The following MGAT4C variants were observed in gnomAD, a reference collection of about 807,000 sequenced individuals.
MGAT4C encodes MGAT4 family member C, also known as alpha-1,3-mannosyl-glycoprotein 4-beta-N-acetylglucosaminyltransferase C.
In MGAT4C, 19 loss-of-function variants were observed where a neutral mutation model predicts 40.1. The ratio of observed to expected loss-of-function variants is 0.47; its 90% confidence interval spans 0.33 to 0.70. The LOEUF is 0.70. MGAT4C is among the 30% of genes least tolerant of loss of function. The pLI, the probability that MGAT4C is intolerant of heterozygous loss-of-function variation, is 0.02. For missense variants in MGAT4C, 491 were observed against 563.2 expected, an observed-to-expected ratio of 0.87 and a Z score of 1.30; for synonymous variants, 181 against 187.1, an observed-to-expected ratio of 0.97 and a Z score of 0.27.
chr12:86,713,845 G>A (rs1175922199), intron 2 of MGAT4C, among the ~76,000 whole-genome samples: 15 of 151,450 alleles, frequency 9.9e-5, no homozygotes, highest in East Asian at 7.7e-4. Flanking sequence ...CAGCACCTAC[G>A]GACTTATGTA....
At chr12:86,810,255 A>G (rs1952446897) in intron 1 of MGAT4C, among the ~76,000 whole-genome samples, 1 of 151,836 alleles carries the variant, frequency 6.6e-6, no homozygotes, top group Admixed American at 6.6e-5. Flanking sequence ...GTGATTTCTT[A>G]TGTTATAAGA....
At chr12:86,168,973 A>C (rs533772799) in intron 1 of MGAT4C, among the ~76,000 whole-genome samples, 233 of 152,102 alleles carry the variant, frequency 1.5e-3, no homozygotes, top group Non-Finnish European at 2.9e-3. Context: ...CGCTTTGTGT[A>C]CTTTTTAAAA....
In MGAT4C at chr12:86,304,997, T is replaced by C. The variant is rs1040514043; in HGVS notation, c.-57+29068A>G. The stretch of plus-strand genomic sequence containing the variant: ...CTTTCTGTTATTTTAAATCACCTAG[T>C]GTATGATACTTGTTATGGCAGCCAT... On this transcript the variant is annotated intron_variant, in intron 4 of 7. Transcript: ENST00000548651. Among the ~76,000 whole-genome samples, 8 of 150,836 alleles carry C rather than the reference T, an allele frequency of 5.3e-5. 2 individuals carry two copies. Among genetic ancestry groups the C allele is most frequent in the African/African-American group, 1.2e-4 (5 of 40,164 alleles).
At chr12:86,459,142 AGAC>A (rs1435171794) in intron 2 of MGAT4C, among the ~76,000 whole-genome samples, 1 of 152,296 alleles carries the variant, frequency 6.6e-6, no homozygotes, top group East Asian at 1.9e-4. Flanking sequence ...AGTTTTCAAA[AGAC>A]GAGATAAAGT....
intron 2 of MGAT4C, among the ~76,000 whole-genome samples, chr12:86,700,035 A>AATAGATAGATAGATAGATAG (rs58993633): frequency 0.17 from 25,690 of 147,508 alleles, 2,365 homozygotes; most frequent in Middle Eastern, 0.21. Flanking sequence ...AATTTAGATA[A>AATAGATAGATAGATAGATAG]ATAGATAGAT....
chr12:86,447,558 C>T (rs1021107377), intron 2 of MGAT4C, among the ~76,000 whole-genome samples: 1 of 151,554 alleles, frequency 6.6e-6, no homozygotes, highest in African/African-American at 2.4e-5. Flanking sequence ...TTTTTTTTAA[C>T]TTTTTTTTAC....
intron 2 of MGAT4C, among the ~76,000 whole-genome samples, chr12:86,028,491 C>A (rs1172303032): frequency 6.6e-6 from 1 of 151,768 alleles, no homozygotes; most frequent in African/African-American, 2.4e-5. Flanking sequence ...CTTTACACAA[C>A]TTTTTTTTCC....
At chr12:86,620,620 T>A (rs752498856) in intron 2 of MGAT4C, among the ~76,000 whole-genome samples, 8 of 152,072 alleles carry the variant, frequency 5.3e-5, no homozygotes, top group Non-Finnish European at 1.0e-4. Context: ...ATTCACTAGT[T>A]GTATGATGGA....
At chr12:86,516,053 C>T (rs1243108108) in intron 2 of MGAT4C, among the ~76,000 whole-genome samples, 1 of 151,800 alleles carries the variant, frequency 6.6e-6, no homozygotes, top group Non-Finnish European at 1.5e-5. Flanking sequence ...CCATTTAAAG[C>T]AATTCTTATC....
In MGAT4C at chr12:86,835,679, G is replaced by A. The variant is rs149683902; in HGVS notation, c.-262+2987C>T. On this transcript the variant is annotated intron_variant, in intron 1 of 7. Coordinates refer to the MGAT4C transcript ENST00000548651. ...TTGATAATTTAGCTATTAGATAACCGTATAGAATATGCCAAGTGATTTCCC... is the reference window on the plus strand; with the variant it reads ...TTGATAATTTAGCTATTAGATAACCATATAGAATATGCCAAGTGATTTCCC... Among the ~76,000 whole-genome samples the A allele has an allele frequency of 8.6e-4, 131 of 152,014 alleles. 1 individual carries two copies. Among genetic ancestry groups the A allele is most frequent in the African/African-American group, 2.8e-3 (115 of 41,514 alleles).
intron 2 of MGAT4C, among the ~76,000 whole-genome samples, chr12:86,476,958 A>C (rs1328697565): frequency 6.6e-6 from 1 of 152,064 alleles, no homozygotes; most frequent in Non-Finnish European, 1.5e-5. Flanking sequence ...GCATGGACTG[A>C]AAAACTACCT....
chr12:86,400,279 T>C (rs1158891685), intron 3 of MGAT4C, among the ~76,000 whole-genome samples: 1 of 152,250 alleles, frequency 6.6e-6, no homozygotes, highest in East Asian at 1.9e-4. Flanking sequence ...CAATGTGGCA[T>C]GAATAGCCTT....
At chr12:86,333,572 G>A (rs1199354406) in intron 4 of MGAT4C, among the ~76,000 whole-genome samples, 1 of 152,132 alleles carries the variant, frequency 6.6e-6, no homozygotes, top group East Asian at 1.9e-4. Flanking sequence ...AAGACAGACT[G>A]ATGACAGAGC....
chr12:86,522,353 A>G (rs1958809554), intron 2 of MGAT4C, among the ~76,000 whole-genome samples: 1 of 152,134 alleles, frequency 6.6e-6, no homozygotes. Context: ...ACATCTATTG[A>G]GATAATCATG....
At chr12:86,266,360 T>G (rs1419424137) in intron 4 of MGAT4C, among the ~76,000 whole-genome samples, 1 of 152,206 alleles carries the variant, frequency 6.6e-6, no homozygotes, top group Non-Finnish European at 1.5e-5. Flanking sequence ...ATGTTGAATT[T>G]TATCAAGTGC....
At chr12:86,694,005 A>T (rs771306106) in intron 2 of MGAT4C, among the ~76,000 whole-genome samples, 9 of 152,152 alleles carry the variant, frequency 5.9e-5, no homozygotes, top group Non-Finnish European at 1.0e-4. Flanking sequence ...ATGTTTTATT[A>T]CTATTATAAA....
intron 2 of MGAT4C, among the ~76,000 whole-genome samples, chr12:86,497,352 A>G (rs1958255222): frequency 6.6e-6 from 1 of 151,950 alleles, no homozygotes; most frequent in African/African-American, 2.4e-5. Context: ...TTTGACAAGG[A>G]GAAGAAATTG....
At chr12:86,304,914 A>T (rs1953898756) in intron 4 of MGAT4C, among the ~76,000 whole-genome samples, 1 of 150,758 alleles carries the variant, frequency 6.6e-6, no homozygotes. Context: ...TTTCAAGAGC[A>T]TGGTCCTGCC....
At position 86,462,994 on chromosome 12, in the gene MGAT4C, C is replaced by A. The variant is rs1288346893; in HGVS notation, c.-228-27729G>T. On this transcript the variant is annotated intron_variant, in intron 2 of 7. Transcript: ENST00000548651. Reference sequence around the variant, plus strand: ...TCCATCCTTCAATCAAGTTGACACTCAATATTAACCATCACAACCTCCATT... The same window carrying A: ...TCCATCCTTCAATCAAGTTGACACTAAATATTAACCATCACAACCTCCATT... 4.0e-5 allele frequency among the ~76,000 whole-genome samples: 6 copies of A among 151,298 alleles called. No individual in the cohort carries two copies. The East Asian group carries it at 1.2e-3, about 30-fold the overall frequency.
Sources: gnomAD v4.1 joint callset for allele counts (sites outside exome capture counted in the v4.1 genomes callset) on GRCh38, gnomAD v4.1.1 for gene constraint, MANE v1.5 for transcripts, NCBI Gene and HGNC (gene_info 2026-07-23, HGNC 2026-07-21) for gene names.